Variants in RALY observed in about 807,000 individuals in gnomAD.
RALY encodes RNA-binding protein Raly.
A neutral mutation model predicts 30.7 loss-of-function variants in RALY; 15 were observed. The observed-to-expected ratio is 0.49, with a 90% CI of 0.33 to 0.75. RALY has a LOEUF of 0.75. Among genes scored for constraint, RALY ranks in the 30% least tolerant of loss-of-function variants. RALY has a pLI of 0.02. For missense variants in RALY, 339 were observed against 414.3 expected, an observed-to-expected ratio of 0.82 and a Z score of 1.58; for synonymous variants, 177 against 170.8, an observed-to-expected ratio of 1.04 and a Z score of -0.28.
intron 2 of RALY, among the ~76,000 whole-genome samples, chr20:34,040,435 C>T (rs1168695970): frequency 6.6e-6 from 1 of 152,192 alleles, no homozygotes; most frequent in Non-Finnish European, 1.5e-5. Context: ...GCTCCATAAG[C>T]ACTCCTGTTT....
intron 2 of RALY, among the ~76,000 whole-genome samples, chr20:34,068,373 T>C (rs1172852225): frequency 6.6e-6 from 1 of 152,182 alleles, no homozygotes; most frequent in South Asian, 2.1e-4. Context: ...AGGGATTGAG[T>C]TGGTCTGTGG....
chr20:34,004,806 T>G (rs532258939), intron 1 of RALY, among the ~76,000 whole-genome samples: 1 of 152,184 alleles, frequency 6.6e-6, no homozygotes, highest in Non-Finnish European at 1.5e-5. Context: ...CCTAAAGAAC[T>G]TAGTCTCTCA....
At chr20:34,041,448 G>T (rs1214154218) in intron 2 of RALY, among the ~76,000 whole-genome samples, 1 of 152,224 alleles carries the variant, frequency 6.6e-6, no homozygotes, top group African/African-American at 2.4e-5. Flanking sequence ...CAAATCTTTA[G>T]TCTTGATAAT....
chr20:34,076,982 C>T (rs1184730126), intron 7 of RALY, 46 bp from the exon 8 acceptor site: 5 of 1,609,568 alleles, frequency 3.1e-6, no homozygotes, highest in Admixed American at 1.7e-5. Flanking sequence ...AGACAGCTAC[C>T]CCAGGCTGAG....
At chr20:33,997,955 T>C (rs75097016) in intron 1 of RALY, among the ~76,000 whole-genome samples, 2,162 of 152,312 alleles carry the variant, frequency 0.014, 51 homozygotes, top group African/African-American at 0.048. Flanking sequence ...CAAACAAATA[T>C]GACCCATGAG....
chr20:34,064,604 G>T (rs1458194547), intron 2 of RALY, among the ~76,000 whole-genome samples: 1 of 152,132 alleles, frequency 6.6e-6, no homozygotes, highest in African/African-American at 2.4e-5. Context: ...ACAAGGGAGA[G>T]CATGCATAGG....
chr20:34,032,130 T>G (rs1293664371), intron 2 of RALY, among the ~76,000 whole-genome samples: 1 of 152,104 alleles, frequency 6.6e-6, no homozygotes, highest in African/African-American at 2.4e-5. Flanking sequence ...GCCTGGCTAA[T>G]TTTGTATTTT....
intron 1 of RALY, among the ~76,000 whole-genome samples, chr20:34,003,995 G>A (rs1056371571): frequency 1.3e-5 from 2 of 152,158 alleles, no homozygotes; most frequent in African/African-American, 4.8e-5. Context: ...GAAAATTGCT[G>A]TTGTTCTGTG....
At chr20:34,011,974 G>A (rs1308426361) in intron 1 of RALY, among the ~76,000 whole-genome samples, 1 of 151,986 alleles carries the variant, frequency 6.6e-6, no homozygotes, top group Non-Finnish European at 1.5e-5. Flanking sequence ...GCTTAGGCAT[G>A]AGAATCGTTT....
chr20:34,014,732 G>T (rs897991360), intron 1 of RALY, among the ~76,000 whole-genome samples: 3 of 152,090 alleles, frequency 2.0e-5, no homozygotes, highest in Non-Finnish European at 4.4e-5. Context: ...TTTGAGAAGG[G>T]TTTCTTAGAA....
rs990885387 is a variant in RALY, at chr20:34,021,917, A to T, written c.-92-9605A>T. ...TGTTCTTTTAAGTTTTTTTATTATT[A>T]AAAAAAAATTTTTTTTTAAATAGAG... is the stretch of plus-strand genomic sequence containing the variant. On this transcript the variant is annotated intron_variant, in intron 1 of 9. Coordinates refer to ENST00000246194, the MANE Select transcript of RALY (RefSeq NM_016732.3). 4.7e-5 allele frequency among the ~76,000 whole-genome samples: 7 copies of T among 149,830 alleles called. No homozygotes were observed. In the East Asian group the frequency reaches 7.8e-4, roughly 17 times the overall value.
At position 34,083,675 on chromosome 20, in the gene RALY, T is replaced by C. The variant is rs535910021; in HGVS notation, c.*3770T>C. 38 of 152,378 alleles carry C rather than the reference T, an allele frequency of 2.5e-4. No individual in the cohort carries two copies. Among genetic ancestry groups the C allele is most frequent in the Admixed American group, 2.1e-3 (32 of 15,310 alleles). 9.4% of individuals were successfully genotyped at this position (152,378 alleles called of 1,614,324 possible). Reference sequence around the variant, plus strand: ...CATGATAGTTTGGCAGTTTCTCTTATGAGCATGGAATTCAAGTGTGGGCAC... The same window carrying C: ...CATGATAGTTTGGCAGTTTCTCTTACGAGCATGGAATTCAAGTGTGGGCAC... On this transcript the variant is annotated 3_prime_UTR_variant, in exon 10 of 10. Transcript: ENST00000246194.
intron 5 of RALY, among the ~76,000 whole-genome samples, chr20:34,075,443 C>T (rs1444185137): frequency 6.6e-6 from 1 of 151,822 alleles, no homozygotes; most frequent in Non-Finnish European, 1.5e-5. Context: ...CTCAGTTGAC[C>T]CCCACTCCCA....
intron 1 of RALY, among the ~76,000 whole-genome samples, chr20:34,022,464 A>T (rs1300633624): frequency 1.3e-5 from 2 of 152,036 alleles, no homozygotes; most frequent in African/African-American, 4.8e-5. Context: ...AACTGTTGAC[A>T]CTTGTTCTGG....
chr20:34,016,780 C>T (rs964062415), intron 1 of RALY, among the ~76,000 whole-genome samples: 4 of 152,218 alleles, frequency 2.6e-5, no homozygotes, highest in Admixed American at 6.5e-5. Context: ...TCATAGTGTC[C>T]GTTCTCTGGG....
chr20:34,028,635 C>T (rs1207204179), intron 1 of RALY, among the ~76,000 whole-genome samples: 3 of 126,054 alleles, frequency 2.4e-5, no homozygotes, highest in Non-Finnish European at 4.7e-5. Context: ...ACCCGGGAGG[C>T]GGAGCTTGCA....
intron 2 of RALY, among the ~76,000 whole-genome samples, chr20:34,069,770 A>T (rs1438415487): frequency 6.6e-6 from 1 of 152,156 alleles, no homozygotes; most frequent in Non-Finnish European, 1.5e-5. Flanking sequence ...TCACTGCCTG[A>T]TAAGTGTAGA....
At chr20:34,004,690 T>C (rs1313906735) in intron 1 of RALY, among the ~76,000 whole-genome samples, 1 of 152,244 alleles carries the variant, frequency 6.6e-6, no homozygotes, top group Non-Finnish European at 1.5e-5. Flanking sequence ...TCTTTGCTTA[T>C]ACTTACATCA....
At chr20:34,077,490 C>T (rs1442153903) in intron 8 of RALY, 1 of 722,092 alleles carries the variant, frequency 1.4e-6, no homozygotes, top group Non-Finnish European at 2.2e-6. Flanking sequence ...CACATTCTGG[C>T]CTCCGGTTTC....
Sources: gnomAD v4.1 joint callset for allele counts (sites outside exome capture counted in the v4.1 genomes callset) on GRCh38, gnomAD v4.1.1 for gene constraint, MANE v1.5 for transcripts, NCBI Gene and HGNC (gene_info 2026-07-23, HGNC 2026-07-21) for gene names.